The following ZBTB21 variants were observed in gnomAD, a reference collection of about 807,000 sequenced individuals.
ZBTB21 encodes zinc finger and BTB domain containing 21.
Under a neutral mutation model 39.8 loss-of-function variants are expected in ZBTB21, and 10 were observed. The ratio of observed to expected loss-of-function variants is 0.25; its 90% CI spans 0.16 to 0.43. The LOEUF is 0.43. ZBTB21 is among the 20% of genes least tolerant of loss of function. The pLI is 1.00. For synonymous variants in ZBTB21, 551 were observed against 498.8 expected, an observed-to-expected ratio of 1.10 and a Z score of -1.40; for missense variants, 1,221 against 1,296.3, an observed-to-expected ratio of 0.94 and a Z score of 0.89.
At chr21:42,004,008 T>A (rs1288976133) in intron 1 of ZBTB21, among the ~76,000 whole-genome samples, 1 of 150,970 alleles carries the variant, frequency 6.6e-6, no homozygotes, top group East Asian at 1.9e-4. Context: ...TCACATCTTT[T>A]TTTTTTTTTT....
chr21:41,993,538 G>C lies in ZBTB21; in HGVS notation c.558C>G (p.Thr186=). The C allele has an allele frequency of 6.2e-7, 1 of 1,614,180 alleles. No homozygotes were observed. Among genetic ancestry groups the C allele is most frequent in the Non-Finnish European group, 8.5e-7 (1 of 1,180,034 alleles). The change falls in exon 3 of 3, where the codon ACC becomes ACG. Residue 186 remains threonine (T), a synonymous_variant. Transcript: ENST00000310826. Reference sequence around the variant, plus strand: ...TTGGTTTTGGGACATGTGGCTTATTGGTATTGGCCTTGACTGCAATGCTAG... The same window carrying C: ...TTGGTTTTGGGACATGTGGCTTATTCGTATTGGCCTTGACTGCAATGCTAG... The part of the protein sequence containing the change: ...PSPSIAVKAN[T]NKPHVPKPIE...
At chr21:41,999,174 A>G (rs927593030) in intron 2 of ZBTB21, among the ~76,000 whole-genome samples, 1 of 152,234 alleles carries the variant, frequency 6.6e-6, no homozygotes, top group African/African-American at 2.4e-5. Flanking sequence ...AAGCTAGTTC[A>G]GATGTTGCCA....
intron 1 of ZBTB21, among the ~76,000 whole-genome samples, chr21:42,003,284 G>C (rs1569113755): frequency 6.6e-6 from 1 of 152,166 alleles, no homozygotes; most frequent in African/African-American, 2.4e-5. Flanking sequence ...TGCTTGCGTG[G>C]GCCTGCTACC....
chr21:41,989,489 C>T lies in ZBTB21; in HGVS notation c.*1406G>A, dbSNP rs552918946. 31 of 152,036 alleles carry T rather than the reference C, an allele frequency of 2.0e-4. No homozygotes were observed. Among genetic ancestry groups the T allele is most frequent in the Admixed American group, 5.2e-4 (8 of 15,270 alleles). 9.4% of individuals were successfully genotyped at this position (152,036 alleles called of 1,614,324 possible). ...CTTTCTTAAAAGGATTTTGTAGTTT[C>T]GTTTTTTTAATACATCTAACTCCCA... On this transcript the variant is annotated 3_prime_UTR_variant, in exon 3 of 3. Transcript: ENST00000310826.
chr21:41,991,417 G>T lies in ZBTB21; in HGVS notation c.2679C>A (p.Ala893=). 1.2e-6 allele frequency: 2 copies of T among 1,611,880 alleles called. No individual in the cohort carries two copies. Among genetic ancestry groups the T allele is most frequent in the Non-Finnish European group, 1.7e-6 (2 of 1,179,264 alleles). ...GACCCGCTTCTTTGGGGGCTGTGCT[G>T]GCCTCGGGTGCCTCTTCTTCAGCCT... ...VEEAEEEAPE[A]STAPKEAGPS... Residue 893 remains alanine (A), a synonymous_variant, in exon 3 of 3, where the codon GCC becomes GCA. Transcript: ENST00000310826. This position sits in a 1 kb window ranked among gnomAD's most constrained non-coding sequence, Gnocchi z 4.9.
Position 41,992,563 on chromosome 21 carries a change from A to G in ZBTB21, c.1533T>C (p.Phe511=). ...GGAGAGTAGGGCTTGAGCCTTCCTC[A>G]AAATTATCTTCTGACACAGGAGACC... ...EHGSPVSEDN[F]EEGSSPTLLD... Residue 511 remains phenylalanine (F), a synonymous_variant, in exon 3 of 3, where the codon TTT becomes TTC. Coordinates refer to ENST00000310826, the MANE Select transcript of ZBTB21 (RefSeq NM_001098402.2). The surrounding 1 kb of genome is among the most constrained non-coding windows in gnomAD (Gnocchi z 4.1). The G allele has an allele frequency of 6.2e-7, 1 of 1,614,226 alleles. No homozygotes were observed. Among genetic ancestry groups the G allele is most frequent in the Non-Finnish European group, 8.5e-7 (1 of 1,180,048 alleles).
Position 41,991,431 on chromosome 21 carries a change from C to A in ZBTB21, c.2665G>T (p.Glu889Ter). ...GGGGCTGTGCTGGCCTCGGGTGCCT[C>A]TTCTTCAGCCTCCTCCACAGGCTCC... is the stretch of plus-strand genomic sequence containing the variant. The part of the protein sequence containing the change: ...KEEPVEEAEE[E>*]APEASTAPKE... Residue 889 changes from glutamate (E) to a stop codon, truncating the protein, a stop_gained, in exon 3 of 3, where the codon GAG becomes TAG. Transcript: ENST00000310826. LOFTEE classifies it high-confidence loss of function. This position sits in a 1 kb window ranked among gnomAD's most constrained non-coding sequence, Gnocchi z 4.9. 1 of 1,611,956 alleles carries A rather than the reference C, an allele frequency of 6.2e-7. No individual in the cohort carries two copies. Among genetic ancestry groups the A allele is most frequent in the Non-Finnish European group, 8.5e-7 (1 of 1,179,264 alleles).
rs1035148653 is a variant in ZBTB21 at position 41,988,198 on chromosome 21, T to C, written c.*2697A>G. The C allele has an allele frequency of 6.1e-5, 3 of 49,216 alleles. No homozygotes were observed. The highest frequency in any genetic ancestry group is 1.6e-4 in the African/African-American group (2 of 12,592). The allele number at this position is 49,216 out of a possible 1,614,324, so 3.0% of individuals were successfully genotyped here. On this transcript the variant is annotated 3_prime_UTR_variant, in exon 3 of 3. Transcript: ENST00000310826. ...AAACATGTTTTATGTTACTCCTTCC[T>C]TCTCCCACATAAACGATTCAGTATC...
In ZBTB21 at chr21:41,989,529, A is replaced by C; in HGVS notation, c.*1366T>G. 6.6e-6 allele frequency: 1 copy of C among 152,124 alleles called. No individual in the cohort carries two copies. Among genetic ancestry groups the C allele is most frequent in the East Asian group, 1.9e-4 (1 of 5,206 alleles). The allele number at this position is 152,124 out of a possible 1,614,324, so 9.4% of individuals were successfully genotyped here. A position where few individuals can be genotyped will look rare whatever the true frequency, so the allele number is the denominator to read the frequency against. ...TCTAACTCCCACCCCCACAAGTAAA[A>C]GTTTTCCCTTTTGAAACACATTGAA... On this transcript the variant is annotated 3_prime_UTR_variant, in exon 3 of 3. Coordinates refer to ENST00000310826, the MANE Select transcript of ZBTB21 (RefSeq NM_001098402.2).
In ZBTB21 at chr21:41,989,447, A is replaced by G. The variant is rs2065621524; in HGVS notation, c.*1448T>C. On this transcript the variant is annotated 3_prime_UTR_variant, in exon 3 of 3. Transcript: ENST00000310826. ...AAGAATACCTCGTAACACAAACTAG[A>G]GTCTAAATTGGTATTACTTTCTTAA... 6.6e-6 allele frequency: 1 copy of G among 152,136 alleles called. No homozygotes were observed. Among genetic ancestry groups the G allele is most frequent in the Non-Finnish European group, 1.5e-5 (1 of 67,986 alleles). 9.4% of individuals were successfully genotyped at this position (152,136 alleles called of 1,614,324 possible). A position where few individuals can be genotyped will look rare whatever the true frequency, so the allele number is the denominator to read the frequency against.
Position 41,993,221 on chromosome 21 carries a change from AATAG to A in ZBTB21, c.871_874del (p.Leu291Ter). 2 of 1,612,028 alleles carry A rather than the reference AATAG, an allele frequency of 1.2e-6. No individual in the cohort carries two copies. Among genetic ancestry groups the A allele is most frequent in the Non-Finnish European group, 1.7e-6 (2 of 1,180,030 alleles). On this transcript the variant is annotated frameshift_variant, in exon 3 of 3. Transcript: ENST00000310826. LOFTEE classifies it high-confidence loss of function. Reference sequence around the variant, plus strand: ...ACCATTTCCTTTGTTAGTTTCTTTTAATAGATAGGGAGTCTCTGATGAGCTACAA... The same window carrying A: ...ACCATTTCCTTTGTTAGTTTCTTTTAATAGGGAGTCTCTGATGAGCTACAA...
chr21:41,992,655 G>C lies in ZBTB21; in HGVS notation c.1441C>G (p.Pro481Ala). The C allele has an allele frequency of 6.2e-7, 1 of 1,613,758 alleles. No homozygotes were observed. The highest frequency in any genetic ancestry group is 1.1e-5 in the South Asian group (1 of 91,002). The change falls in exon 3 of 3, where the codon CCA (proline) becomes GCA (alanine). Residue 481 changes from proline to alanine, a missense_variant. Physicochemically the swap from Pro to Ala is conservative, Grantham distance 27 (BLOSUM62 -1). Transcript: ENST00000310826. The surrounding 1 kb of genome is among the most constrained non-coding windows in gnomAD (Gnocchi z 4.1). Reference protein sequence around the residue: ...EDDQKDMSRLPAKRRFQADRR... With the variant: ...EDDQKDMSRLAAKRRFQADRR... ...TCCGCTTGGAACCTCCTTTTTGCTGGGAGTCTGCTCATGTCTTTTTGGTCA... is the reference window on the plus strand; with the variant it reads ...TCCGCTTGGAACCTCCTTTTTGCTGCGAGTCTGCTCATGTCTTTTTGGTCA...
At chr21:41,999,700 G>C (rs923394835) in intron 2 of ZBTB21, among the ~76,000 whole-genome samples, 1 of 152,178 alleles carries the variant, frequency 6.6e-6, no homozygotes, top group African/African-American at 2.4e-5. Context: ...AGGTGTGAAG[G>C]AGGCGAGGGA....
rs147913316 is a variant in ZBTB21 at position 42,008,373 on chromosome 21, C to G, written c.-79+1879G>C. 2.7e-3 allele frequency among the ~76,000 whole-genome samples: 321 copies of G among 117,182 alleles called. 2 individuals carry two copies. Among genetic ancestry groups the G allele is most frequent in the African/African-American group, 9.8e-3 (298 of 30,522 alleles). 76.9% of individuals were successfully genotyped at this position (117,182 alleles called of 152,430 possible). ...AAAAAAAAAAAAAAAAAAAAATTAG[C>G]TGGGCGATGTGGCGGAAGCCTGTAA... On this transcript the variant is annotated intron_variant, in intron 1 of 2. Coordinates refer to ENST00000310826, the MANE Select transcript of ZBTB21 (RefSeq NM_001098402.2).
rs1167003576 is a variant in ZBTB21 at position 41,991,557 on chromosome 21, A to C, written c.2539T>G (p.Phe847Val). 1.2e-6 allele frequency: 2 copies of C among 1,614,144 alleles called. No individual in the cohort carries two copies. The highest frequency in any genetic ancestry group is 2.2e-5 in the South Asian group (2 of 91,084). The change falls in exon 3 of 3, where the codon TTC becomes GTC. Residue 847 changes from phenylalanine to valine, a missense_variant. Phe to Val is a conservative substitution (Grantham distance 50, BLOSUM62 -1). This residue lies in a region of ZBTB21 where 523 missense variants were observed against 542.5 expected (regional missense o/e 0.96). Coordinates refer to ENST00000310826, the MANE Select transcript of ZBTB21 (RefSeq NM_001098402.2). The surrounding 1 kb of genome is among the most constrained non-coding windows in gnomAD (Gnocchi z 4.9). ...HIVTTKDDNV[F>V]SDSSEQVNFD... Reference sequence around the variant, plus strand: ...TTAACTTGTTCTGAAGAATCACTGAACACGTTGTCGTCTTTTGTGGTGACG... The same window carrying C: ...TTAACTTGTTCTGAAGAATCACTGACCACGTTGTCGTCTTTTGTGGTGACG...
rs1423079669 is a variant in ZBTB21 at position 41,992,203 on chromosome 21, AATTT to A, written c.1889_1892del (p.Glu630ValfsTer5). 1 of 1,614,008 alleles carries A rather than the reference AATTT, an allele frequency of 6.2e-7. No individual in the cohort carries two copies. On this transcript the variant is annotated frameshift_variant, in exon 3 of 3. Transcript: ENST00000310826. LOFTEE classifies it high-confidence loss of function. The surrounding 1 kb of genome is among the most constrained non-coding windows in gnomAD (Gnocchi z 4.1). The stretch of plus-strand genomic sequence containing the variant: ...TTAACTTAATGATCAGGGCCTTCTT[AATTT>A]CTCTCTCTCTCACTATGTCAATCAG...
At chr21:42,010,131 A>G (rs1053506775) in intron 1 of ZBTB21, 121 bp downstream of exon 1, 31 of 388,282 alleles carry the variant, frequency 8.0e-5, no homozygotes, top group Middle Eastern at 1.3e-3. Context: ...GCTGGTGGAG[A>G]AAAAAGAGGA....
intron 2 of ZBTB21, among the ~76,000 whole-genome samples, chr21:41,995,930 G>A (rs1237793768): frequency 1.3e-5 from 2 of 152,242 alleles, no homozygotes; most frequent in African/African-American, 4.8e-5. Flanking sequence ...TCCATGTGGT[G>A]TTAAGCCTGC....
intron 2 of ZBTB21, among the ~76,000 whole-genome samples, chr21:41,994,753 C>A (rs2065722992): frequency 6.6e-6 from 1 of 152,126 alleles, no homozygotes; most frequent in Non-Finnish European, 1.5e-5. Flanking sequence ...TGCCACCTTG[C>A]CAGGTGATGC....
Sources: allele counts gnomAD v4.1 joint callset (sites outside exome capture counted in the v4.1 genomes callset), GRCh38; gene constraint gnomAD v4.1.1; regional missense constraint gnomAD v4.1.1; non-coding constraint Gnocchi (gnomAD v3.1); transcripts MANE v1.5; gene names NCBI Gene and HGNC (gene_info 2026-07-23, HGNC 2026-07-21).